The following ADARB2 variants were observed in gnomAD, a reference collection of about 807,000 sequenced individuals.
The protein encoded by ADARB2 is adenosine deaminase RNA specific B2 (inactive).
Under a neutral mutation model 62.2 loss-of-function variants are expected in ADARB2, and 25 were observed. That is an observed-to-expected ratio of 0.40 (90% CI 0.29 to 0.56). ADARB2 has a LOEUF of 0.56. ADARB2 is among the 20% of genes least tolerant of loss of function. ADARB2 has a pLI of 0.43. For synonymous variants in ADARB2, 572 were observed against 500.8 expected, an observed-to-expected ratio of 1.14 and a Z score of -1.90; for missense variants, 1,071 against 1,077.4, an observed-to-expected ratio of 0.99 and a Z score of 0.08.
chr10:1,714,479 C>T (rs1422024130), intron 1 of ADARB2, among the ~76,000 whole-genome samples: 1 of 152,220 alleles, frequency 6.6e-6, no homozygotes, highest in Non-Finnish European at 1.5e-5. Context: ...AACCAGCCAA[C>T]GCCCATTTAA....
chr10:1,732,429 T>A (rs1015106116), intron 1 of ADARB2, among the ~76,000 whole-genome samples: 1 of 152,152 alleles, frequency 6.6e-6, no homozygotes. Flanking sequence ...GAATCCCATA[T>A]TTTTATTCTA....
chr10:1,414,979 G>A (rs907485118), intron 1 of ADARB2, among the ~76,000 whole-genome samples: 1 of 151,458 alleles, frequency 6.6e-6, no homozygotes, highest in Non-Finnish European at 1.5e-5. Context: ...TGAATGGATA[G>A]GATGATAGAA....
intron 8 of ADARB2, among the ~76,000 whole-genome samples, chr10:1,194,514 A>G (rs1836882347): frequency 9.5e-6 from 1 of 104,740 alleles, no homozygotes; most frequent in African/African-American, 3.4e-5. Flanking sequence ...TCTATCTATT[A>G]TCTATCTATC....
intron 7 of ADARB2, among the ~76,000 whole-genome samples, chr10:1,206,433 C>G (rs979951126): frequency 6.8e-6 from 1 of 147,056 alleles, no homozygotes; most frequent in Non-Finnish European, 1.5e-5. Flanking sequence ...ACTGGGGCGT[C>G]TCCTCCAACT....
intron 3 of ADARB2, among the ~76,000 whole-genome samples, chr10:1,340,963 C>T (rs1200398836): frequency 6.6e-6 from 1 of 151,098 alleles, no homozygotes; most frequent in East Asian, 2.0e-4. Flanking sequence ...AGGCAGAGAA[C>T]CACATGCCCC....
At chr10:1,574,167 A>T (rs1448486494) in intron 1 of ADARB2, among the ~76,000 whole-genome samples, 1 of 152,164 alleles carries the variant, frequency 6.6e-6, no homozygotes, top group African/African-American at 2.4e-5. Flanking sequence ...CTGAGCGAGG[A>T]GGAGCCACAA....
intron 1 of ADARB2, among the ~76,000 whole-genome samples, chr10:1,510,156 C>CTTTCTTTTTCTTTCTTTCTT (rs1554767658): frequency 2.7e-5 from 3 of 109,164 alleles, no homozygotes; most frequent in Admixed American, 9.6e-5. Context: ...TTCTTTCTTT[C>CTTTCTTTTTCTTTCTTTCTT]TTTCTTTCTT....
intron 1 of ADARB2, among the ~76,000 whole-genome samples, chr10:1,560,803 G>A (rs1481577066): frequency 6.6e-6 from 1 of 152,202 alleles, no homozygotes; most frequent in East Asian, 1.9e-4. Context: ...GCCCCAGACT[G>A]GGCAGCTGGC....
chr10:1,589,680 T>C (rs1409669110), intron 1 of ADARB2, among the ~76,000 whole-genome samples: 2 of 152,194 alleles, frequency 1.3e-5, no homozygotes, highest in Non-Finnish European at 2.9e-5. Context: ...TTTATTTTTA[T>C]TTTTCATGTA....
At chr10:1,218,924 C>T (rs1013456860) in intron 6 of ADARB2, among the ~76,000 whole-genome samples, 3 of 151,870 alleles carry the variant, frequency 2.0e-5, no homozygotes, top group Non-Finnish European at 4.4e-5. Context: ...GTGGCGGGCG[C>T]CTGTAGTCCC....
chr10:1,223,200 T>G (rs1830710619), intron 6 of ADARB2, among the ~76,000 whole-genome samples: 1 of 152,222 alleles, frequency 6.6e-6, no homozygotes, highest in South Asian at 2.1e-4. Context: ...AGTTCACTCA[T>G]GATTTGGCTC....
intron 1 of ADARB2, among the ~76,000 whole-genome samples, chr10:1,584,776 A>G (rs1833152773): frequency 6.6e-6 from 1 of 152,212 alleles, no homozygotes; most frequent in Non-Finnish European, 1.5e-5. Context: ...CTTGAAAGAA[A>G]TGAGCTACAA....
Position 1,349,241 on chromosome 10 carries a change from C to T in ADARB2, c.1077+13787G>A, listed in dbSNP as rs183278182. Among the ~76,000 whole-genome samples the T allele has an allele frequency of 3.3e-5, 5 of 152,266 alleles. No homozygotes were observed. In the East Asian group the frequency reaches 9.7e-4, roughly 29 times the overall value. ...GAGCACCTTGTGACTCCCACCCCTG[C>T]CTGCCAGAGAACAACCCCCCTTCTT... On this transcript the variant is annotated intron_variant, in intron 3 of 9. Coordinates refer to ENST00000381312, the MANE Select transcript of ADARB2 (RefSeq NM_018702.4).
chr10:1,271,172 C>A (rs1375415896), intron 3 of ADARB2, 103 bp from the exon 4 acceptor site: 1 of 875,778 alleles, frequency 1.1e-6, no homozygotes, highest in East Asian at 2.7e-5. Context: ...CCCATGTGGC[C>A]ACACATGGGC....
intron 3 of ADARB2, among the ~76,000 whole-genome samples, chr10:1,280,683 A>C (rs1831362724): frequency 6.6e-6 from 1 of 150,714 alleles, no homozygotes; most frequent in Admixed American, 6.6e-5. Context: ...ATGCTCTATG[A>C]AATTCCTAAG....
intron 1 of ADARB2, among the ~76,000 whole-genome samples, chr10:1,491,229 C>T (rs761268574): frequency 5.3e-5 from 8 of 151,988 alleles, no homozygotes; most frequent in Non-Finnish European, 7.4e-5. Flanking sequence ...CCACCACACC[C>T]GGCTAATTGT....
At chr10:1,275,059 T>G (rs1315451091) in intron 3 of ADARB2, among the ~76,000 whole-genome samples, 1 of 152,188 alleles carries the variant, frequency 6.6e-6, no homozygotes, top group African/African-American at 2.4e-5. Flanking sequence ...AGGCTCCCAC[T>G]ATGAACCAAG....
intron 2 of ADARB2, among the ~76,000 whole-genome samples, chr10:1,366,530 C>T (rs1832315317): frequency 6.6e-6 from 1 of 152,164 alleles, no homozygotes; most frequent in Admixed American, 6.5e-5. Flanking sequence ...CCCATTGCCC[C>T]AGTCAGCCCT....
At chr10:1,730,526 C>A (rs539840261) in intron 1 of ADARB2, among the ~76,000 whole-genome samples, 1 of 152,082 alleles carries the variant, frequency 6.6e-6, no homozygotes. Flanking sequence ...CACCTGAATG[C>A]CACAATTTTA....
Sources: gnomAD v4.1 joint callset for allele counts (sites outside exome capture counted in the v4.1 genomes callset) on GRCh38, gnomAD v4.1.1 for gene constraint, MANE v1.5 for transcripts, NCBI Gene and HGNC (gene_info 2026-07-23, HGNC 2026-07-21) for gene names.